The following ITGBL1 variants were observed in gnomAD, a reference collection of about 807,000 sequenced individuals.
ITGBL1 encodes integrin beta-like protein 1.
ITGBL1 carries 51 observed loss-of-function variants against 68.5 expected under a neutral mutation model. That is an observed-to-expected ratio of 0.74 (90% confidence interval 0.59 to 0.94). The LOEUF (loss-of-function observed/expected upper bound fraction) is 0.94, where lower values mean the gene tolerates loss of function less well. Ranked by LOEUF, ITGBL1 falls within the 40% of genes least tolerant of loss-of-function variation. The probability of loss-of-function intolerance (pLI) is 0.00; values close to 1 mark genes in which losing one functional copy is unlikely to be tolerated. For missense variants in ITGBL1, 649 were observed against 647.4 expected (o/e 1.00, Z -0.03); for synonymous variants, 209 against 227.3 (o/e 0.92, Z 0.72).
intron 3 of ITGBL1, among the ~76,000 whole-genome samples, chr13:101,575,094 C>T (rs914535098): frequency 1.3e-5 from 2 of 152,076 alleles, no homozygotes; most frequent in Non-Finnish European, 2.9e-5. Context: ...CTTTATTTCA[C>T]TTCAGACCCA....
intron 2 of ITGBL1, among the ~76,000 whole-genome samples, chr13:101,497,579 A>G (rs2048874914): frequency 6.6e-6 from 1 of 152,252 alleles, no homozygotes; most frequent in South Asian, 2.1e-4. Context: ...GAAAAAGTGA[A>G]GCTGGAAACG....
chr13:101,568,543 A>C (rs1308727754), intron 3 of ITGBL1, among the ~76,000 whole-genome samples: 1 of 152,090 alleles, frequency 6.6e-6, no homozygotes, highest in Admixed American at 6.6e-5. Flanking sequence ...CCAAGGAGAA[A>C]GGAATAAACT....
intron 2 of ITGBL1, among the ~76,000 whole-genome samples, chr13:101,510,992 CTTTAG>C (rs2049106842): frequency 6.6e-6 from 1 of 151,780 alleles, no homozygotes; most frequent in South Asian, 2.1e-4. Flanking sequence ...AGAAGAAGCT[CTTTAG>C]TTTAATTAGA....
chr13:101,547,832 C>T (rs1267171528), intron 2 of ITGBL1, among the ~76,000 whole-genome samples: 1 of 151,394 alleles, frequency 6.6e-6, no homozygotes, highest in African/African-American at 2.4e-5. Context: ...AATACATACA[C>T]CTATTATGCA....
In ITGBL1 at chr13:101,472,792, T is replaced by G. The variant is rs145110578; in HGVS notation, c.316+18692T>G. ...CATAAAGTTTCATCAATTTTGAAATTTAATATACATTTTGATTTGATGTCC... is the reference window on the plus strand; with the variant it reads ...CATAAAGTTTCATCAATTTTGAAATGTAATATACATTTTGATTTGATGTCC... On this transcript the variant is annotated intron_variant, in intron 2 of 10. Coordinates refer to ENST00000376180, the MANE Select transcript of ITGBL1 (RefSeq NM_004791.3). Among the ~76,000 whole-genome samples the G allele has an allele frequency of 1.1e-4, 16 of 152,274 alleles. No individual in the cohort carries two copies. In the East Asian group the frequency reaches 2.9e-3, roughly 28 times the overall value.
chr13:101,511,952 G>A (rs1289055066), intron 2 of ITGBL1, among the ~76,000 whole-genome samples: 2 of 152,248 alleles, frequency 1.3e-5, no homozygotes, highest in South Asian at 2.1e-4. Flanking sequence ...GCTAAGGGAG[G>A]AAGAATTCCT....
At chr13:101,641,521 TTTTTATTTTA>T (rs143454599) in intron 7 of ITGBL1, among the ~76,000 whole-genome samples, 98 of 149,878 alleles carry the variant, frequency 6.5e-4, no homozygotes, top group African/African-American at 2.2e-3. Context: ...GTGTCTTTCT[TTTTTATTTTA>T]TTTTATTTTA....
chr13:101,584,776 C>T (rs1334211158), intron 6 of ITGBL1, among the ~76,000 whole-genome samples: 4 of 151,846 alleles, frequency 2.6e-5, no homozygotes, highest in Admixed American at 1.3e-4. Flanking sequence ...TAGTGAGTGG[C>T]TTCTGTGTTC....
intron 2 of ITGBL1, among the ~76,000 whole-genome samples, chr13:101,541,239 A>T (rs1479357813): frequency 6.6e-6 from 1 of 151,288 alleles, no homozygotes; most frequent in Non-Finnish European, 1.5e-5. Context: ...TCAATACCTA[A>T]TTTATTGAGA....
At chr13:101,620,642 C>T (rs1228513048) in intron 7 of ITGBL1, among the ~76,000 whole-genome samples, 1 of 152,096 alleles carries the variant, frequency 6.6e-6, no homozygotes, top group East Asian at 1.9e-4. Context: ...TTCTCTTTGG[C>T]TGAATCTCAG....
At chr13:101,660,127 G>A (rs915496747) in intron 7 of ITGBL1, among the ~76,000 whole-genome samples, 2 of 152,160 alleles carry the variant, frequency 1.3e-5, no homozygotes, top group Non-Finnish European at 2.9e-5. Context: ...TTAATTCATG[G>A]AGACCATAAC....
At chr13:101,545,463 G>T (rs1309126600) in intron 2 of ITGBL1, among the ~76,000 whole-genome samples, 1 of 152,000 alleles carries the variant, frequency 6.6e-6, no homozygotes, top group South Asian at 2.1e-4. Context: ...AACAAAATTG[G>T]TGCACTTGCT....
chr13:101,618,877 A>T (rs1196784956), intron 7 of ITGBL1, among the ~76,000 whole-genome samples: 1 of 152,120 alleles, frequency 6.6e-6, no homozygotes, highest in Non-Finnish European at 1.5e-5. Flanking sequence ...TCAGGGGGAA[A>T]ACTCAGATTG....
chr13:101,544,033 G>A (rs9518436), intron 2 of ITGBL1, among the ~76,000 whole-genome samples: 51,681 of 152,004 alleles, frequency 0.34, 8,937 homozygotes, highest in Non-Finnish European at 0.36. Flanking sequence ...TTGATTGTCT[G>A]ACGCCTTCTT....
chr13:101,567,713 G>A lies in ITGBL1; in HGVS notation c.331G>A (p.Asp111Asn). 6.2e-7 allele frequency: 1 copy of A among 1,613,096 alleles called. No individual in the cohort carries two copies. The highest frequency in any genetic ancestry group is 8.5e-7 in the Non-Finnish European group (1 of 1,179,384). Residue 111 changes from aspartate to asparagine, a missense_variant, in exon 3 of 11, where the codon GAC becomes AAC. Transcript: ENST00000376180. ...TCAATCCCCAGGCCATGGTAAGTGT[G>A]ACTGTGGCAAGTGCAAGTGTGACCA... ...GSTCAGHGKC[D>N]CGKCKCDQGW...
intron 7 of ITGBL1, among the ~76,000 whole-genome samples, chr13:101,617,029 A>T (rs1184091686): frequency 6.6e-6 from 1 of 152,152 alleles, no homozygotes; most frequent in Non-Finnish European, 1.5e-5. Flanking sequence ...CTAGATTATA[A>T]AAGGGCTCCA....
At chr13:101,599,754 C>T (rs866039151) in intron 7 of ITGBL1, among the ~76,000 whole-genome samples, 18 of 152,024 alleles carry the variant, frequency 1.2e-4, no homozygotes, top group Admixed American at 3.3e-4. Flanking sequence ...TGTAGATATG[C>T]GGCATTATTT....
chr13:101,596,531 A>G (rs778705433), intron 6 of ITGBL1, among the ~76,000 whole-genome samples: 1 of 152,210 alleles, frequency 6.6e-6, no homozygotes, highest in Non-Finnish European at 1.5e-5. Context: ...ATATCTAAAC[A>G]TCATGTTACA....
chr13:101,541,663 G>A (rs189618289), intron 2 of ITGBL1, among the ~76,000 whole-genome samples: 5 of 152,242 alleles, frequency 3.3e-5, no homozygotes, highest in East Asian at 1.9e-4. Context: ...GGTAGAATTC[G>A]GCTGTGAATC....
Sources: gnomAD v4.1 joint callset for allele counts (sites outside exome capture counted in the v4.1 genomes callset) on GRCh38, gnomAD v4.1.1 for gene constraint, MANE v1.5 for transcripts, NCBI Gene and HGNC (gene_info 2026-07-23, HGNC 2026-07-21) for gene names.